Variants in SLC29A4 observed in about 807,000 individuals in gnomAD.
The protein encoded by SLC29A4 is equilibrative nucleoside transporter 4.
Under a neutral mutation model 43.9 loss-of-function variants are expected in SLC29A4, and 36 were observed. The observed-to-expected ratio is 0.82, with a 90% CI of 0.63 to 1.08. The LOEUF is 1.08. Ranked by LOEUF, SLC29A4 falls within the 50% of genes least tolerant of loss-of-function variation. The pLI is 0.00. For synonymous variants in SLC29A4, 491 were observed against 338.0 expected (o/e 1.45, Z -4.97); for missense variants, 869 against 755.3 (o/e 1.15, Z -1.77).
intron 5 of SLC29A4, 49 bp downstream of exon 5, chr7:5,291,870 C>G (rs1295708867): frequency 6.3e-7 from 1 of 1,576,836 alleles, no homozygotes; most frequent in Non-Finnish European, 8.6e-7. Context: ...ACTTCCGACC[C>G]CATCCCACCC....
Position 5,306,635 on chromosome 7 carries a change from A to G in SLC29A4, c.*3696A>G, listed in dbSNP as rs1430294518. 1 of 152,114 alleles carries G rather than the reference A, an allele frequency of 6.6e-6. No individual in the cohort carries two copies. Among genetic ancestry groups the G allele is most frequent in the Non-Finnish European group, 1.5e-5 (1 of 68,030 alleles). 9.4% of individuals were successfully genotyped at this position (152,114 alleles called of 1,614,324 possible). A position where few individuals can be genotyped will look rare whatever the true frequency, so the allele number is the denominator to read the frequency against. ...AGGCGTGAGCCACTGTGCCCAGCCG[A>G]TGAGCTCATTTAGATGGCTGCATGG... On this transcript the variant is annotated 3_prime_UTR_variant, in exon 11 of 11. Transcript: ENST00000396872.
chr7:5,300,136 G>A (rs1332462147), intron 9 of SLC29A4, among the ~76,000 whole-genome samples: 5 of 152,202 alleles, frequency 3.3e-5, no homozygotes, highest in Non-Finnish European at 7.3e-5. Context: ...GGAGGCTGAG[G>A]TGGGAGGATG....
At chr7:5,301,189 A>G (rs1786134967) in intron 10 of SLC29A4, among the ~76,000 whole-genome samples, 1 of 151,530 alleles carries the variant, frequency 6.6e-6, no homozygotes, top group African/African-American at 2.4e-5. Context: ...ACTTGAGCCC[A>G]GGAGTTGGAG....
intron 7 of SLC29A4, among the ~76,000 whole-genome samples, 158 bp downstream of exon 7, chr7:5,297,356 T>C (rs1785780217): frequency 6.6e-6 from 1 of 152,218 alleles, no homozygotes; most frequent in African/African-American, 2.4e-5. Context: ...CTTTATTCTG[T>C]GTACTCTTAC....
At chr7:5,294,769 C>G (rs1451984761) in intron 5 of SLC29A4, 91 bp from the exon 6 acceptor site, 3 of 1,349,414 alleles carry the variant, frequency 2.2e-6, no homozygotes, top group East Asian at 2.3e-5. Flanking sequence ...TTTACGCACC[C>G]TCGTCCACCA....
rs1022058983 is a variant in SLC29A4 at position 5,303,516 on chromosome 7, G to A, written c.*577G>A. The A allele has an allele frequency of 1.9e-4, 29 of 155,746 alleles. No homozygotes were observed. Among genetic ancestry groups the A allele is most frequent in the Non-Finnish European group, 1.4e-4 (10 of 70,730 alleles). 9.6% of individuals were successfully genotyped at this position (155,746 alleles called of 1,614,324 possible). A position where few individuals can be genotyped will look rare whatever the true frequency, so the allele number is the denominator to read the frequency against. On this transcript the variant is annotated 3_prime_UTR_variant, in exon 11 of 11. Transcript: ENST00000396872. ...ATAACGCGTTAGCCATGAAGGAGTC[G>A]GAGCCCTGGGTCCGAATGGACCCGC...
chr7:5,297,625 A>G (rs559862378), intron 7 of SLC29A4, among the ~76,000 whole-genome samples: 165 of 152,178 alleles, frequency 1.1e-3, no homozygotes, highest in African/African-American at 3.8e-3. Flanking sequence ...CTGGCAGCAA[A>G]CTCTCTAGGA....
chr7:5,292,193 C>T (rs916365898), intron 5 of SLC29A4, among the ~76,000 whole-genome samples: 10 of 152,300 alleles, frequency 6.6e-5, no homozygotes, highest in African/African-American at 2.2e-4. Context: ...TCACTGCAGC[C>T]TCAACCTCCT....
chr7:5,293,736 A>T (rs1226108429), intron 5 of SLC29A4, among the ~76,000 whole-genome samples: 1 of 152,028 alleles, frequency 6.6e-6, no homozygotes, highest in Non-Finnish European at 1.5e-5. Flanking sequence ...CCTCAACCTC[A>T]TGGGCTCGAG....
At chr7:5,300,711 T>C in intron 10 of SLC29A4, 49 bp downstream of exon 10, 1 of 1,586,038 alleles carries the variant, frequency 6.3e-7, no homozygotes, top group Non-Finnish European at 8.5e-7. Flanking sequence ...AGCAGCGCAA[T>C]GCCCCCCTCG....
chr7:5,300,024 C>T (rs1786025735), intron 9 of SLC29A4, among the ~76,000 whole-genome samples: 1 of 152,152 alleles, frequency 6.6e-6, no homozygotes, highest in Non-Finnish European at 1.5e-5. Flanking sequence ...TGCACTCCAG[C>T]CTGGGTGACA....
At chr7:5,297,575 T>C (rs1785799146) in intron 7 of SLC29A4, among the ~76,000 whole-genome samples, 1 of 152,214 alleles carries the variant, frequency 6.6e-6, no homozygotes, top group South Asian at 2.1e-4. Context: ...CCCTCCTGGC[T>C]GCGCCAACCC....
At chr7:5,296,483 G>A (rs1202922250) in intron 6 of SLC29A4, among the ~76,000 whole-genome samples, 1 of 133,994 alleles carries the variant, frequency 7.5e-6, no homozygotes, top group East Asian at 2.2e-4. Context: ...CGGGAGAGAC[G>A]GGACTCAGGA....
At chr7:5,301,100 A>G (rs1040988220) in intron 10 of SLC29A4, among the ~76,000 whole-genome samples, 4 of 152,042 alleles carry the variant, frequency 2.6e-5, no homozygotes, top group African/African-American at 7.2e-5. Flanking sequence ...CCTCTCTACA[A>G]AAATGTTTAA....
chr7:5,286,797 G>A (rs941482321), intron 1 of SLC29A4, among the ~76,000 whole-genome samples: 2 of 152,162 alleles, frequency 1.3e-5, no homozygotes, highest in Non-Finnish European at 2.9e-5. Flanking sequence ...TGAGATCTGG[G>A]TTCTCCCACT....
chr7:5,293,016 A>G (rs1156581394), intron 5 of SLC29A4, among the ~76,000 whole-genome samples: 1 of 150,836 alleles, frequency 6.6e-6, no homozygotes. Flanking sequence ...TGTTCTTTAT[A>G]GCATTTTTTT....
rs765958145 is a variant in SLC29A4 at position 5,287,864 on chromosome 7, C to T, written c.48C>T (p.Gly16=). 2 of 1,611,818 alleles carry T rather than the reference C, an allele frequency of 1.2e-6. No individual in the cohort carries two copies. Among genetic ancestry groups the T allele is most frequent in the African/African-American group, 1.3e-5 (1 of 74,904 alleles). The change falls in exon 2 of 11, where the codon GGC becomes GGT. Residue 16 remains glycine, a synonymous_variant. Transcript: ENST00000396872. The stretch of plus-strand genomic sequence containing the variant: ...GCCTTGAGGAGCCCAGCGTGGCAGG[C>T]ACACCAGACCCGGGCGTAGTGATGA... ...SQRLEEPSVA[G]TPDPGVVMSF...
intron 2 of SLC29A4, among the ~76,000 whole-genome samples, chr7:5,290,265 G>A (rs1785221595): frequency 6.6e-6 from 1 of 151,970 alleles, no homozygotes; most frequent in Non-Finnish European, 1.5e-5. Flanking sequence ...GGGTTTCACC[G>A]TGTTAGCCAG....
At chr7:5,293,934 G>A (rs137914504) in intron 5 of SLC29A4, among the ~76,000 whole-genome samples, 1,785 of 152,094 alleles carry the variant, frequency 0.012, 16 homozygotes, top group Non-Finnish European at 0.018. Context: ...GTGAAACCCC[G>A]TCTCTACTAA....
Sources: allele counts gnomAD v4.1 joint callset (sites outside exome capture counted in the v4.1 genomes callset), GRCh38; gene constraint gnomAD v4.1.1; transcripts MANE v1.5; gene names NCBI Gene and HGNC (gene_info 2026-07-23, HGNC 2026-07-21).